The following NWD2 variants were observed in gnomAD, a reference collection of about 807,000 sequenced individuals.
The protein encoded by NWD2 is NACHT and WD repeat domain-containing protein 2.
Under a neutral mutation model 132.7 loss-of-function variants are expected in NWD2, and 37 were observed. That is an observed-to-expected ratio of 0.28 (90% confidence interval 0.21 to 0.37). NWD2 has a LOEUF of 0.37. NWD2 is among the 10% of genes least tolerant of loss of function. The pLI is 1.00. For missense variants in NWD2, 1,592 were observed against 2,122.4 expected, an observed-to-expected ratio of 0.75 and a Z score of 4.91; for synonymous variants, 705 against 803.0, an observed-to-expected ratio of 0.88 and a Z score of 2.06.
At chr4:37,304,201 G>A (rs920537270) in intron 1 of NWD2, among the ~76,000 whole-genome samples, 1 of 152,184 alleles carries the variant, frequency 6.6e-6, no homozygotes, top group Non-Finnish European at 1.5e-5. Context: ...AAGAGAGAGA[G>A]AAGTGCTACA....
intron 3 of NWD2, among the ~76,000 whole-genome samples, chr4:37,361,076 C>T (rs938210036): frequency 6.6e-6 from 1 of 152,088 alleles, no homozygotes; most frequent in African/African-American, 2.4e-5. Flanking sequence ...ACTAGAAAAT[C>T]TAGAGGAAAT....
chr4:37,283,443 G>A (rs2109269095), intron 1 of NWD2, among the ~76,000 whole-genome samples: 2 of 152,174 alleles, frequency 1.3e-5, no homozygotes, highest in East Asian at 3.9e-4. Context: ...GGAGATTTTA[G>A]TTCTGTCTTA....
intron 1 of NWD2, among the ~76,000 whole-genome samples, chr4:37,288,827 A>G (rs947888118): frequency 6.6e-6 from 1 of 152,100 alleles, no homozygotes. Flanking sequence ...TTGTTTTTTT[A>G]AAACCAGATC....
intron 1 of NWD2, among the ~76,000 whole-genome samples, chr4:37,304,822 G>C (rs901898573): frequency 6.6e-6 from 1 of 152,210 alleles, no homozygotes; most frequent in African/African-American, 2.4e-5. Flanking sequence ...AGTATAAGCT[G>C]TTGGTGGGTC....
intron 1 of NWD2, among the ~76,000 whole-genome samples, chr4:37,324,704 C>T (rs1719136237): frequency 6.6e-6 from 1 of 152,120 alleles, no homozygotes; most frequent in Admixed American, 6.6e-5. Context: ...AGACCACAGA[C>T]AATCCAGAAG....
intron 1 of NWD2, among the ~76,000 whole-genome samples, chr4:37,307,021 C>CA (rs749143872): frequency 0.013 from 1,386 of 104,248 alleles, 20 homozygotes; most frequent in African/African-American, 0.039. Context: ...GAGACTCCAT[C>CA]AAAAAAAAAA....
At chr4:37,367,362 A>G (rs1329644903) in intron 3 of NWD2, among the ~76,000 whole-genome samples, 1 of 152,206 alleles carries the variant, frequency 6.6e-6, no homozygotes, top group African/African-American at 2.4e-5. Flanking sequence ...TATTTTTTCA[A>G]TGCTTAGAAA....
At chr4:37,352,469 G>A (rs577278002) in intron 2 of NWD2, among the ~76,000 whole-genome samples, 6 of 152,198 alleles carry the variant, frequency 3.9e-5, no homozygotes, top group Admixed American at 1.3e-4. Context: ...GGGTGTTGAA[G>A]TCTCCTGCTA....
At chr4:37,384,506 A>G (rs1057449172) in intron 3 of NWD2, among the ~76,000 whole-genome samples, 15 of 152,186 alleles carry the variant, frequency 9.9e-5, no homozygotes, top group Non-Finnish European at 2.2e-4. Context: ...ATAATGACAA[A>G]AAGCCATATT....
intron 3 of NWD2, among the ~76,000 whole-genome samples, chr4:37,396,279 T>C (rs902758884): frequency 2.0e-5 from 3 of 152,202 alleles, no homozygotes; most frequent in Admixed American, 2.0e-4. Context: ...ACCCCAGCAA[T>C]CCACCTTATT....
At chr4:37,313,944 C>T (rs771547373) in intron 1 of NWD2, among the ~76,000 whole-genome samples, 14 of 150,842 alleles carry the variant, frequency 9.3e-5, no homozygotes, top group Non-Finnish European at 1.5e-4. Flanking sequence ...TATCTGCACA[C>T]GTCGGCCTCC....
chr4:37,363,494 A>T (rs1720023766), intron 3 of NWD2, among the ~76,000 whole-genome samples: 1 of 152,228 alleles, frequency 6.6e-6, no homozygotes, highest in Non-Finnish European at 1.5e-5. Flanking sequence ...AGCAACATGG[A>T]TGAAGCTGGA....
chr4:37,258,291 T>A (rs769570020), intron 1 of NWD2, among the ~76,000 whole-genome samples: 1 of 152,240 alleles, frequency 6.6e-6, no homozygotes, highest in Non-Finnish European at 1.5e-5. Context: ...CCCAACCAAC[T>A]TTCACTGTAA....
chr4:37,333,607 T>C (rs1337564570), intron 2 of NWD2, among the ~76,000 whole-genome samples: 2 of 152,050 alleles, frequency 1.3e-5, no homozygotes, highest in African/African-American at 4.8e-5. Flanking sequence ...TTCCCAAGAA[T>C]GACAGGTACT....
chr4:37,385,818 G>C (rs1487468999), intron 3 of NWD2, among the ~76,000 whole-genome samples: 1 of 152,142 alleles, frequency 6.6e-6, no homozygotes, highest in African/African-American at 2.4e-5. Flanking sequence ...TGGATTTGGG[G>C]TATTATTGAT....
chr4:37,268,975 T>C (rs2033622), intron 1 of NWD2, among the ~76,000 whole-genome samples: 1,675 of 152,018 alleles, frequency 0.011, 31 homozygotes, highest in African/African-American at 0.038. Flanking sequence ...CAGTAATTGA[T>C]CAAAGTCCAT....
chr4:37,311,897 A>T (rs1718850639), intron 1 of NWD2, among the ~76,000 whole-genome samples: 1 of 151,400 alleles, frequency 6.6e-6, no homozygotes, highest in Non-Finnish European at 1.5e-5. Flanking sequence ...TCCTTTCCCT[A>T]TTGCTTGTTT....
rs73228714 is a variant in NWD2, at chr4:37,447,806, A to G, written c.*589A>G. 0.14 allele frequency: 21,845 copies of G among 153,140 alleles called. 2,016 individuals carry two copies. Among genetic ancestry groups the G allele is most frequent in the South Asian group, 0.2 (984 of 4,856 alleles). The allele number at this position is 153,140 out of a possible 1,614,324, so 9.5% of individuals were successfully genotyped here. On this transcript the variant is annotated 3_prime_UTR_variant, in exon 7 of 7. Transcript: ENST00000309447. The stretch of plus-strand genomic sequence containing the variant: ...ATGAGACTGTGGACTGGACTGGGAC[A>G]AGAACTAACTACCACTATCATAGGG...
chr4:37,418,098 A>T (rs1309669913), intron 3 of NWD2, among the ~76,000 whole-genome samples: 1 of 152,074 alleles, frequency 6.6e-6, no homozygotes, highest in Non-Finnish European at 1.5e-5. Flanking sequence ...AGAGAAATGG[A>T]TTATTCTGGG....
Sources: gnomAD v4.1 joint callset for allele counts (sites outside exome capture counted in the v4.1 genomes callset) on GRCh38, gnomAD v4.1.1 for gene constraint, MANE v1.5 for transcripts, NCBI Gene and HGNC (gene_info 2026-07-23, HGNC 2026-07-21) for gene names.